The following KHDRBS2 variants were observed in gnomAD, a reference collection of about 807,000 sequenced individuals.
KHDRBS2 encodes the protein KH RNA binding domain containing, signal transduction associated 2.
In KHDRBS2, 26 loss-of-function variants were observed where a neutral mutation model predicts 44.3. That is an observed-to-expected ratio of 0.59 (90% CI 0.43 to 0.81). The LOEUF is 0.81. Among genes scored for constraint, KHDRBS2 ranks in the 40% least tolerant of loss-of-function variants. KHDRBS2 has a pLI of 0.00. For missense variants in KHDRBS2, 476 were observed against 433.1 expected (o/e 1.10, Z -0.88); for synonymous variants, 194 against 151.1 (o/e 1.28, Z -2.08).
At chr6:62,054,013 T>C (rs1281107165) in intron 2 of KHDRBS2, among the ~76,000 whole-genome samples, 1 of 152,054 alleles carries the variant, frequency 6.6e-6, no homozygotes, top group Admixed American at 6.6e-5. Context: ...TGTTCAAACC[T>C]TTACAGAACA....
At chr6:61,589,603 C>G in the KHDRBS2 span, among the ~76,000 whole-genome samples, 1 of 152,136 alleles carries the variant, frequency 6.6e-6, no homozygotes, top group South Asian at 2.1e-4. Context: ...AATACCCCTT[C>G]TTACTATTTG....
chr6:62,138,761 GA>G (rs1367349549), intron 2 of KHDRBS2, among the ~76,000 whole-genome samples: 1 of 152,004 alleles, frequency 6.6e-6, no homozygotes, highest in Non-Finnish European at 1.5e-5. Context: ...TAATCCTCAA[GA>G]AAAATTTAAG....
intron 1 of KHDRBS2, among the ~76,000 whole-genome samples, chr6:62,270,700 T>C (rs997392485): frequency 3.3e-5 from 5 of 152,074 alleles, no homozygotes; most frequent in Non-Finnish European, 7.4e-5. Flanking sequence ...ATATTTTACC[T>C]CAACTTTTTT....
chr6:61,650,038 T>C, the KHDRBS2 span, among the ~76,000 whole-genome samples: 1 of 152,150 alleles, frequency 6.6e-6, no homozygotes, highest in Non-Finnish European at 1.5e-5. Flanking sequence ...TGCTCACCAG[T>C]GTCCAGCTAC....
At chr6:62,110,837 A>C (rs1804831437) in intron 2 of KHDRBS2, among the ~76,000 whole-genome samples, 1 of 152,148 alleles carries the variant, frequency 6.6e-6, no homozygotes, top group African/African-American at 2.4e-5. Context: ...AATATGTAAA[A>C]TCTTACCAAG....
intron 3 of KHDRBS2, among the ~76,000 whole-genome samples, chr6:62,007,738 A>G (rs1329151126): frequency 6.6e-6 from 1 of 152,128 alleles, no homozygotes; most frequent in East Asian, 1.9e-4. Flanking sequence ...TGTATAGTCA[A>G]CGAGGAGGCT....
chr6:61,745,167 G>A (rs1776683681), intron 6 of KHDRBS2, among the ~76,000 whole-genome samples: 1 of 152,046 alleles, frequency 6.6e-6, no homozygotes. Flanking sequence ...GCTTGGTGGG[G>A]ACAAAAGAAA....
At chr6:62,194,480 C>CTTTTTTTTTTTTTTT (rs70996208) in intron 1 of KHDRBS2, among the ~76,000 whole-genome samples, 6 of 69,776 alleles carry the variant, frequency 8.6e-5, no homozygotes, top group African/African-American at 1.3e-4. Context: ...TCTTTTCTTC[C>CTTTTTTTTTTTTTTT]TTTTTTTTTT....
At chr6:62,096,373 A>G (rs1800603761) in intron 2 of KHDRBS2, among the ~76,000 whole-genome samples, 1 of 151,768 alleles carries the variant, frequency 6.6e-6, no homozygotes, top group Non-Finnish European at 1.5e-5. Flanking sequence ...CTTTGATGGG[A>G]GACTTTTTAT....
chr6:61,955,032 A>G (rs1419056428), intron 4 of KHDRBS2, among the ~76,000 whole-genome samples: 1 of 144,770 alleles, frequency 6.9e-6, no homozygotes, highest in Non-Finnish European at 1.5e-5. Context: ...ATACATATAT[A>G]CATACATGTA....
chr6:61,871,267 G>T (rs998007698), intron 6 of KHDRBS2, among the ~76,000 whole-genome samples: 2 of 152,068 alleles, frequency 1.3e-5, no homozygotes, highest in African/African-American at 4.8e-5. Flanking sequence ...AGAGATTGAA[G>T]ATCAACTTAA....
At chr6:61,607,528 A>AAAAAAAAAAAAAAAAAAC in the KHDRBS2 span, among the ~76,000 whole-genome samples, 1 of 143,454 alleles carries the variant, frequency 7.0e-6, no homozygotes, top group Non-Finnish European at 1.5e-5. Context: ...AGCAAAAAAA[A>AAAAAAAAAAAAAAAAAAC]AAAAAAAAAA....
intron 7 of KHDRBS2, among the ~76,000 whole-genome samples, chr6:61,697,457 G>C (rs1768033719): frequency 6.6e-6 from 1 of 151,902 alleles, no homozygotes; most frequent in South Asian, 2.1e-4. Flanking sequence ...TGCCATCTCA[G>C]TATTTCTTTC....
At chr6:61,593,666 C>T in the KHDRBS2 span, among the ~76,000 whole-genome samples, 4 of 151,854 alleles carry the variant, frequency 2.6e-5, no homozygotes, top group Middle Eastern at 3.4e-3. Context: ...GTTAGCTTTA[C>T]GGAACTTTTT....
the KHDRBS2 span, among the ~76,000 whole-genome samples, chr6:61,576,599 A>G: frequency 1.3e-5 from 2 of 152,118 alleles, no homozygotes; most frequent in African/African-American, 2.4e-5. Flanking sequence ...TCACAAATTT[A>G]TTTAGGCATA....
the KHDRBS2 span, among the ~76,000 whole-genome samples, chr6:61,563,574 A>G: frequency 1.3e-5 from 2 of 152,074 alleles, no homozygotes; most frequent in African/African-American, 4.8e-5. Context: ...TAATGAATAG[A>G]AACAAGGTAC....
chr6:61,839,557 G>A (rs1793270362), intron 6 of KHDRBS2, among the ~76,000 whole-genome samples: 3 of 152,014 alleles, frequency 2.0e-5, no homozygotes, highest in Admixed American at 6.6e-5. Flanking sequence ...GGGTGACTTT[G>A]GACAAGTTAA....
At chr6:61,564,625 A>C in the KHDRBS2 span, among the ~76,000 whole-genome samples, 1 of 152,128 alleles carries the variant, frequency 6.6e-6, no homozygotes, top group Non-Finnish European at 1.5e-5. Flanking sequence ...CAGAACTACA[A>C]GACAGAAGCA....
chr6:62,215,644 T>G (rs997368212), intron 1 of KHDRBS2, among the ~76,000 whole-genome samples: 1 of 151,880 alleles, frequency 6.6e-6, no homozygotes, highest in Non-Finnish European at 1.5e-5. Context: ...ATTATTCTGT[T>G]TATGTATCTT....
Sources: gnomAD v4.1 joint callset for allele counts (sites outside exome capture counted in the v4.1 genomes callset) on GRCh38, gnomAD v4.1.1 for gene constraint, MANE v1.5 for transcripts, NCBI Gene and HGNC (gene_info 2026-07-23, HGNC 2026-07-21) for gene names.